FRMPD4: variants seen among roughly 807,000 people sequenced by gnomAD.
The protein encoded by FRMPD4 is FERM and PDZ domain-containing protein 4.
FRMPD4 carries 22 observed loss-of-function variants against 94.1 expected under a neutral mutation model. The observed-to-expected ratio is 0.23, with a 90% CI of 0.17 to 0.33. The LOEUF (loss-of-function observed/expected upper bound fraction) is 0.33. FRMPD4 is among the 10% of genes least tolerant of loss of function. FRMPD4 has a pLI of 1.00. For missense variants in FRMPD4, 1,111 were observed against 1,339.9 expected (o/e 0.83, Z 2.67); for synonymous variants, 631 against 548.6 (o/e 1.15, Z -2.10).
intron 2 of FRMPD4, among the ~76,000 whole-genome samples, chrX:12,510,219 C>G (rs1355959063): frequency 2.7e-5 from 3 of 112,369 alleles, no homozygotes; most frequent in Middle Eastern, 9.2e-3. Flanking sequence ...GGATACATGA[C>G]AACTCAATGT....
intron 3 of FRMPD4, among the ~76,000 whole-genome samples, chrX:12,126,266 C>T (rs975826236): frequency 1.8e-5 from 2 of 111,597 alleles, no homozygotes; most frequent in Non-Finnish European, 3.8e-5. Context: ...ATCTGTCTGC[C>T]GATTGATGGC....
intron 3 of FRMPD4, among the ~76,000 whole-genome samples, chrX:12,026,186 T>C (rs895328371): frequency 4.5e-5 from 5 of 111,488 alleles, no homozygotes; most frequent in African/African-American, 1.6e-4. Flanking sequence ...GCCACCATCA[T>C]CTCTTGCCTT....
chrX:11,887,755 C>A (rs753329776), intron 3 of FRMPD4, among the ~76,000 whole-genome samples: 1 of 111,598 alleles, frequency 9.0e-6, no homozygotes, highest in East Asian at 2.8e-4. Context: ...TTTGTCTCTC[C>A]GAGAATATTT....
At chrX:12,454,797 T>A (rs1389040745) in intron 1 of FRMPD4, among the ~76,000 whole-genome samples, 1 of 99,007 alleles carries the variant, frequency 1.0e-5, no homozygotes, top group Admixed American at 1.2e-4. Flanking sequence ...AGCATGAGGT[T>A]TGGAGTTAGA....
chrX:12,296,016 G>C (rs1420181530), intron 1 of FRMPD4, among the ~76,000 whole-genome samples: 1 of 110,758 alleles, frequency 9.0e-6, no homozygotes, highest in Non-Finnish European at 1.9e-5. Context: ...TTCTTGGAGT[G>C]GGGGGTGATG....
intron 3 of FRMPD4, among the ~76,000 whole-genome samples, chrX:11,879,532 G>A (rs2053802360): frequency 9.0e-6 from 1 of 110,864 alleles, no homozygotes; most frequent in South Asian, 3.8e-4. Flanking sequence ...TCTAGTAAAA[G>A]GTCTGGCTGT....
intron 3 of FRMPD4, among the ~76,000 whole-genome samples, chrX:11,896,107 A>G (rs1167530512): frequency 3.6e-5 from 4 of 112,379 alleles, no homozygotes; most frequent in Admixed American, 2.8e-4. Flanking sequence ...GTGTAATTGC[A>G]CAGACACCCT....
chrX:12,156,333 C>T (rs62591579), intron 1 of FRMPD4, among the ~76,000 whole-genome samples: 2,899 of 111,507 alleles, frequency 0.026, 58 homozygotes, highest in Non-Finnish European at 0.039. Context: ...AAATGGCCAT[C>T]TGATACCTCT....
At chrX:12,526,258 T>C (rs1032130218) in intron 2 of FRMPD4, among the ~76,000 whole-genome samples, 2 of 112,349 alleles carry the variant, frequency 1.8e-5, no homozygotes, top group African/African-American at 6.5e-5. Context: ...ACTCTCTCCA[T>C]AGCAAGAGCT....
At chrX:12,562,889 A>T (rs1324197404) in intron 2 of FRMPD4, among the ~76,000 whole-genome samples, 1 of 112,243 alleles carries the variant, frequency 8.9e-6, no homozygotes, top group Non-Finnish European at 1.9e-5. Flanking sequence ...GGCTCAAGCG[A>T]TCCTCCTGCC....
At chrX:12,715,998 G>GCCGGGGGGCCCCCCC in intron 14 of FRMPD4, 71 bp from the exon 15 acceptor site, 2 of 383,853 alleles carry the variant, frequency 5.2e-6, no homozygotes, top group Non-Finnish European at 9.4e-6. Flanking sequence ...ACAGAGACGA[G>GCCGGGGGGCCCCCCC]CCTCCCACCC....
chrX:11,909,225 C>A (rs2053983917), intron 3 of FRMPD4, among the ~76,000 whole-genome samples: 2 of 111,958 alleles, frequency 1.8e-5, no homozygotes, highest in South Asian at 7.4e-4. Context: ...AATTCAATTT[C>A]TTTAATAGAT....
At chrX:12,233,975 G>T (rs868171990) in intron 1 of FRMPD4, among the ~76,000 whole-genome samples, 11 of 46,333 alleles carry the variant, frequency 2.4e-4, no homozygotes, top group East Asian at 3.4e-3. Flanking sequence ...GAGAATGAAT[G>T]AATTATTTAT....
At chrX:12,615,762 G>A (rs753794798) in intron 4 of FRMPD4, among the ~76,000 whole-genome samples, 7 of 110,999 alleles carry the variant, frequency 6.3e-5, no homozygotes, top group Admixed American at 3.8e-4. Flanking sequence ...CACTCATTAC[G>A]GAAAGTGTTA....
chrX:11,900,646 C>T (rs887144800), intron 3 of FRMPD4, among the ~76,000 whole-genome samples: 4 of 110,944 alleles, frequency 3.6e-5, no homozygotes, highest in Non-Finnish European at 5.7e-5. Flanking sequence ...TATACCCTCC[C>T]CTAGGCAAGG....
intron 1 of FRMPD4, among the ~76,000 whole-genome samples, chrX:12,462,061 A>T (rs746178394): frequency 7.1e-5 from 8 of 111,897 alleles, no homozygotes; most frequent in Non-Finnish European, 1.5e-4. Flanking sequence ...AAAAGGAAAG[A>T]AGAAACACTG....
At chrX:12,308,132 A>G (rs2054973102) in intron 1 of FRMPD4, among the ~76,000 whole-genome samples, 1 of 111,903 alleles carries the variant, frequency 8.9e-6, no homozygotes, top group African/African-American at 3.2e-5. Flanking sequence ...GTTCCCAGCT[A>G]CAGAAATACA....
At chrX:11,924,438 C>T (rs1033373559) in intron 3 of FRMPD4, among the ~76,000 whole-genome samples, 1 of 111,263 alleles carries the variant, frequency 9.0e-6, no homozygotes, top group Non-Finnish European at 1.9e-5. Context: ...AGAAGATCAT[C>T]CCAAGGACAC....
chrX:12,524,766 C>T (rs2058203672), intron 2 of FRMPD4, among the ~76,000 whole-genome samples: 1 of 111,310 alleles, frequency 9.0e-6, no homozygotes, highest in African/African-American at 3.3e-5. Flanking sequence ...ACAGCATCAT[C>T]TCCTTGATGC....
Sources: allele counts gnomAD v4.1 joint callset (sites outside exome capture counted in the v4.1 genomes callset), GRCh38; gene constraint gnomAD v4.1.1; transcripts MANE v1.5; gene names NCBI Gene and HGNC (gene_info 2026-07-23, HGNC 2026-07-21).